Variants in MACC1 observed in about 807,000 individuals in gnomAD.
MACC1 encodes the protein MET transcriptional regulator MACC1.
A neutral mutation model predicts 70.7 loss-of-function variants in MACC1; 79 were observed. That is an observed-to-expected ratio of 1.12 (90% confidence interval 0.93 to 1.35). MACC1 has a LOEUF of 1.35. Ranked by LOEUF, MACC1 falls within the 40% of genes most tolerant of loss-of-function variation. The probability of loss-of-function intolerance (pLI) is 0.00; values close to 1 mark genes in which losing one functional copy is unlikely to be tolerated. For missense variants in MACC1, 1,106 were observed against 978.1 expected, an observed-to-expected ratio of 1.13 and a Z score of -1.74; for synonymous variants, 361 against 347.2, an observed-to-expected ratio of 1.04 and a Z score of -0.44.
chr7:20,174,798 A>G (rs916904275), intron 1 of MACC1, among the ~76,000 whole-genome samples: 5 of 152,130 alleles, frequency 3.3e-5, no homozygotes, highest in Non-Finnish European at 7.4e-5. Context: ...CATTAATTTA[A>G]ATACTCTTTT....
Position 20,158,066 on chromosome 7 carries a change from T to C in MACC1, c.2157+138A>G, listed in dbSNP as rs975168865. The C allele has an allele frequency of 2.5e-5, 25 of 1,003,846 alleles. 1 individual carries two copies. Among genetic ancestry groups the C allele is most frequent in the Middle Eastern group, 3.4e-4 (1 of 2,930 alleles). The allele number at this position is 1,003,846 out of a possible 1,614,324, so 62.2% of individuals were successfully genotyped here. A position where few individuals can be genotyped will look rare whatever the true frequency, so the allele number is the denominator to read the frequency against. Reference sequence around the variant, plus strand: ...TTATGATCATGTAGGAAAAACTATATTTGCTATAAAGTGTCTTTAATGTAT... The same window carrying C: ...TTATGATCATGTAGGAAAAACTATACTTGCTATAAAGTGTCTTTAATGTAT... On this transcript the variant is annotated intron_variant, in intron 5 of 6. Transcript: ENST00000400331.
In MACC1 at chr7:20,159,286, C is replaced by T. The variant is rs1228813774; in HGVS notation, c.1075G>A (p.Ala359Thr). ...AAQAKALPSP[A>T]ATIWDYIHKT... ...TGGATATAATCCCAAATGGTGGCAG[C>T]TGGTGACGGAAGAGCTTTAGCTTGT... The change falls in exon 5 of 7, where the codon GCT (alanine) becomes ACT (threonine). Residue 359 changes from alanine to threonine, a missense_variant. By Grantham distance (58) the Ala-to-Thr change is moderately conservative (BLOSUM62 0). Coordinates refer to ENST00000400331, the MANE Select transcript of MACC1 (RefSeq NM_182762.4). The T allele has an allele frequency of 6.2e-7, 1 of 1,614,058 alleles. No homozygotes were observed. Among genetic ancestry groups the T allele is most frequent in the Admixed American group, 1.7e-5 (1 of 59,978 alleles).
intron 1 of MACC1, among the ~76,000 whole-genome samples, chr7:20,197,848 G>A (rs912872626): frequency 1.3e-5 from 2 of 152,154 alleles, no homozygotes; most frequent in African/African-American, 4.8e-5. Context: ...TAGGAGAAAT[G>A]TTTCCAAATC....
rs912515987 is a variant in MACC1, at chr7:20,136,772, T to A, written c.*4174A>T. The A allele has an allele frequency of 6.6e-6, 1 of 151,900 alleles. No individual in the cohort carries two copies. Among genetic ancestry groups the A allele is most frequent in the Non-Finnish European group, 1.5e-5 (1 of 67,952 alleles). 9.4% of individuals were successfully genotyped at this position (151,900 alleles called of 1,614,324 possible). ...TCATACAGAAGGAGGAGGGACTTAC[T>A]TCTCCTCCTTGCGATTATTATTGCG... On this transcript the variant is annotated 3_prime_UTR_variant, in exon 7 of 7. Transcript: ENST00000400331.
intron 6 of MACC1, among the ~76,000 whole-genome samples, chr7:20,152,650 C>T (rs1750053800): frequency 6.6e-6 from 1 of 152,236 alleles, no homozygotes. Flanking sequence ...TGTTTATCAG[C>T]CTCAGGCAAA....
chr7:20,143,390 T>G (rs1265693590), intron 6 of MACC1, among the ~76,000 whole-genome samples: 1 of 152,186 alleles, frequency 6.6e-6, no homozygotes, highest in African/African-American at 2.4e-5. Context: ...GTTGTTGCTT[T>G]GCTTTGTTTT....
At position 20,140,357 on chromosome 7, in the gene MACC1, T is replaced by G. The variant is rs1781778327; in HGVS notation, c.*589A>C. 6.6e-6 allele frequency: 1 copy of G among 152,240 alleles called. No individual in the cohort carries two copies. Among genetic ancestry groups the G allele is most frequent in the Non-Finnish European group, 1.5e-5 (1 of 68,050 alleles). 9.4% of individuals were successfully genotyped at this position (152,240 alleles called of 1,614,324 possible). ...TAGCCTCAGACGTTCTCTCCACTTC[T>G]GAGTTTCTCCCCATGAAAAATGGGG... On this transcript the variant is annotated 3_prime_UTR_variant, in exon 7 of 7. Coordinates refer to ENST00000400331, the MANE Select transcript of MACC1 (RefSeq NM_182762.4).
At chr7:20,166,391 G>T (rs1459337033) in intron 2 of MACC1, among the ~76,000 whole-genome samples, 6 of 152,158 alleles carry the variant, frequency 3.9e-5, no homozygotes, top group Non-Finnish European at 5.9e-5. Flanking sequence ...ATCAGCTGAT[G>T]ATACACACCT....
Position 20,184,451 on chromosome 7 carries a change from T to G in MACC1, c.-217-13673A>C, listed in dbSNP as rs991337071. Among the ~76,000 whole-genome samples the G allele has an allele frequency of 2.6e-5, 4 of 152,326 alleles. No homozygotes were observed. The East Asian group carries it at 7.7e-4, about 29-fold the overall frequency. On this transcript the variant is annotated intron_variant, in intron 1 of 6. Coordinates refer to ENST00000400331, the MANE Select transcript of MACC1 (RefSeq NM_182762.4). ...CATATCTTCTACTCTTATTTCAAAC[T>G]TGCAAAACTCCTTTTTTCTTTCTCA...
chr7:20,183,445 T>C (rs1056625043), intron 1 of MACC1, among the ~76,000 whole-genome samples: 2 of 152,210 alleles, frequency 1.3e-5, no homozygotes, highest in African/African-American at 4.8e-5. Context: ...TTTGGCCTTG[T>C]GATACCTTCA....
At position 20,178,243 on chromosome 7, in the gene MACC1, CAG is replaced by C. The variant is rs1333338488; in HGVS notation, c.-217-7467_-217-7466del. ...AAAATTTCACACTATTATTGCTGCC[CAG>C]AATGTTAATCTTATTTCACACACAC... is the stretch of plus-strand genomic sequence containing the variant. On this transcript the variant is annotated intron_variant, in intron 1 of 6. Transcript: ENST00000400331. Among the ~76,000 whole-genome samples the C allele has an allele frequency of 2.7e-5, 4 of 146,354 alleles. No individual in the cohort carries two copies. In the East Asian group the frequency reaches 8.1e-4, roughly 30 times the overall value.
chr7:20,193,359 T>C (rs1426061894), intron 1 of MACC1, among the ~76,000 whole-genome samples: 1 of 152,216 alleles, frequency 6.6e-6, no homozygotes, highest in Non-Finnish European at 1.5e-5. Context: ...TGTGACTAAG[T>C]GCAAAAGCTA....
intron 4 of MACC1, 78 bp from the exon 5 acceptor site, chr7:20,160,323 T>G: frequency 6.9e-7 from 1 of 1,449,302 alleles, no homozygotes; most frequent in East Asian, 2.5e-5. Context: ...ATTTTTCCCA[T>G]AGCTTAAAAA....
chr7:20,189,183 T>A (rs549384989), intron 1 of MACC1, among the ~76,000 whole-genome samples: 143 of 152,180 alleles, frequency 9.4e-4, no homozygotes, highest in African/African-American at 2.3e-3. Flanking sequence ...CCTTATTTTT[T>A]AAAAAAAATA....
In MACC1 at chr7:20,216,862, T is replaced by C. The variant is rs142694437; in HGVS notation, c.-218+437A>G. ...AGGTGAAACATCTTGTCAATGGTCA[T>C]AAATCTAATAAGCAGTGGGGCTGCT... On this transcript the variant is annotated intron_variant, in intron 1 of 6. Coordinates refer to ENST00000400331, the MANE Select transcript of MACC1 (RefSeq NM_182762.4). 5.0e-3 allele frequency among the ~76,000 whole-genome samples: 761 copies of C among 152,336 alleles called. 10 individuals are homozygous for C. Among genetic ancestry groups the C allele is most frequent in the African/African-American group, 0.017 (690 of 41,590 alleles).
intron 1 of MACC1, among the ~76,000 whole-genome samples, chr7:20,181,172 C>T (rs1161056896): frequency 6.6e-6 from 1 of 151,750 alleles, no homozygotes; most frequent in Non-Finnish European, 1.5e-5. Context: ...AGAAATAGGA[C>T]TGCCAGCTAA....
intron 2 of MACC1, among the ~76,000 whole-genome samples, chr7:20,168,963 A>G (rs1204693281): frequency 6.6e-6 from 1 of 152,180 alleles, no homozygotes; most frequent in African/African-American, 2.4e-5. Flanking sequence ...TGAGATGACA[A>G]TTGAGATGAG....
At chr7:20,194,086 G>A (rs1782713711) in intron 1 of MACC1, among the ~76,000 whole-genome samples, 1 of 152,044 alleles carries the variant, frequency 6.6e-6, no homozygotes, top group Non-Finnish European at 1.5e-5. Flanking sequence ...GTAAAATGAG[G>A]GGGTTTCCAC....
chr7:20,173,205 T>C lies in MACC1; in HGVS notation c.-217-2427A>G, dbSNP rs964363787. 4.6e-5 allele frequency among the ~76,000 whole-genome samples: 7 copies of C among 152,192 alleles called. No homozygotes were observed. The South Asian group carries it at 1.5e-3, about 32-fold the overall frequency. On this transcript the variant is annotated intron_variant, in intron 1 of 6. Coordinates refer to ENST00000400331, the MANE Select transcript of MACC1 (RefSeq NM_182762.4). Reference sequence around the variant, plus strand: ...GAGCCACCAAATCATAATTATGAGGTGATAATATACATGTTTTGCTTTGTT... The same window carrying C: ...GAGCCACCAAATCATAATTATGAGGCGATAATATACATGTTTTGCTTTGTT...
Sources: allele counts gnomAD v4.1 joint callset (sites outside exome capture counted in the v4.1 genomes callset), GRCh38; gene constraint gnomAD v4.1.1; transcripts MANE v1.5; gene names NCBI Gene and HGNC (gene_info 2026-07-23, HGNC 2026-07-21).